The following KLF12 variants were observed in gnomAD, a reference collection of about 807,000 sequenced individuals.
KLF12 encodes the protein Krueppel-like factor 12.
KLF12 carries 9 observed loss-of-function variants against 37.8 expected under a neutral mutation model. The ratio of observed to expected loss-of-function variants is 0.24; its 90% CI spans 0.14 to 0.42. KLF12 has a LOEUF of 0.42. KLF12 is among the 10% of genes least tolerant of loss of function. KLF12 has a pLI of 1.00. For synonymous variants in KLF12, 208 were observed against 202.1 expected (o/e 1.03, Z -0.25); for missense variants, 411 against 516.0 (o/e 0.80, Z 1.97).
chr13:73,932,424 T>C (rs1889729125), intron 3 of KLF12, among the ~76,000 whole-genome samples: 1 of 152,210 alleles, frequency 6.6e-6, no homozygotes, highest in Non-Finnish European at 1.5e-5. Flanking sequence ...CCAGGTCGAA[T>C]GCCTTCAGAG....
chr13:74,079,153 G>T (rs551973819), intron 1 of KLF12, among the ~76,000 whole-genome samples: 2 of 152,244 alleles, frequency 1.3e-5, no homozygotes, highest in African/African-American at 4.8e-5. Context: ...GTCACCAGAA[G>T]AAATCACTTA....
chr13:74,298,096 T>A, the KLF12 span, among the ~76,000 whole-genome samples: 2 of 152,254 alleles, frequency 1.3e-5, no homozygotes, highest in African/African-American at 4.8e-5. Flanking sequence ...GCTATTCTGG[T>A]AGCAGAGTCA....
At chr13:74,194,639 A>C in the KLF12 span, among the ~76,000 whole-genome samples, 1 of 152,214 alleles carries the variant, frequency 6.6e-6, no homozygotes, top group Non-Finnish European at 1.5e-5. Flanking sequence ...ACACTTTGGC[A>C]AATACCTAAA....
chr13:73,827,443 A>G (rs566282581), intron 4 of KLF12, among the ~76,000 whole-genome samples: 1 of 152,334 alleles, frequency 6.6e-6, no homozygotes, highest in South Asian at 2.1e-4. Context: ...TCTGAAGTCT[A>G]AAATTATTCC....
At chr13:73,886,339 G>C (rs1308112518) in intron 3 of KLF12, among the ~76,000 whole-genome samples, 1 of 152,182 alleles carries the variant, frequency 6.6e-6, no homozygotes, top group South Asian at 2.1e-4. Flanking sequence ...AATTCTGCAT[G>C]AATCTGTGCT....
intron 5 of KLF12, among the ~76,000 whole-genome samples, chr13:73,805,213 AATGTT>A (rs1377779499): frequency 8.5e-5 from 13 of 152,204 alleles, no homozygotes; most frequent in African/African-American, 3.1e-4. Flanking sequence ...ATTTCAATGT[AATGTT>A]GAGATTAACA....
the KLF12 span, among the ~76,000 whole-genome samples, chr13:74,231,179 C>G: frequency 6.6e-6 from 1 of 151,570 alleles, no homozygotes; most frequent in Non-Finnish European, 1.5e-5. Flanking sequence ...CACTCCTTGG[C>G]TACTTCAGGT....
intron 3 of KLF12, among the ~76,000 whole-genome samples, chr13:73,936,917 C>T (rs4883958): frequency 0.51 from 77,748 of 152,016 alleles, 20,257 homozygotes; most frequent in Admixed American, 0.61. Context: ...TTTGGCCAGG[C>T]GCAGTGGCTC....
chr13:73,890,391 T>C (rs1887445961), intron 3 of KLF12, among the ~76,000 whole-genome samples: 1 of 152,142 alleles, frequency 6.6e-6, no homozygotes, highest in Non-Finnish European at 1.5e-5. Flanking sequence ...ATAACAGACA[T>C]TGATATCAGG....
chr13:73,924,472 T>A (rs539233906), intron 3 of KLF12, among the ~76,000 whole-genome samples: 3 of 152,278 alleles, frequency 2.0e-5, no homozygotes, highest in Non-Finnish European at 4.4e-5. Context: ...CAGTGATTTT[T>A]TGGGGTGCCA....
At chr13:73,738,022 AAC>A (rs930525748) in intron 6 of KLF12, among the ~76,000 whole-genome samples, 38 of 92,380 alleles carry the variant, frequency 4.1e-4, no homozygotes, top group African/African-American at 2.4e-3. Flanking sequence ...TCATTCAACA[AAC>A]ACACACACAC....
intron 1 of KLF12, among the ~76,000 whole-genome samples, chr13:74,109,458 T>C (rs1206265899): frequency 1.3e-5 from 2 of 152,092 alleles, no homozygotes. Flanking sequence ...GAATAGATAA[T>C]ATATTTTGTA....
intron 1 of KLF12, among the ~76,000 whole-genome samples, chr13:74,007,521 C>T (rs1023072741): frequency 3.3e-5 from 5 of 152,158 alleles, no homozygotes; most frequent in Middle Eastern, 3.4e-3. Flanking sequence ...GTGATCCGCC[C>T]GCCTCGGCCT....
At chr13:73,919,098 C>A (rs941178619) in intron 3 of KLF12, among the ~76,000 whole-genome samples, 1 of 152,136 alleles carries the variant, frequency 6.6e-6, no homozygotes, top group East Asian at 1.9e-4. Context: ...CTTGTAACTA[C>A]CCAGGAGCAC....
At chr13:73,979,221 AT>A (rs1432424562) in intron 2 of KLF12, among the ~76,000 whole-genome samples, 1 of 152,228 alleles carries the variant, frequency 6.6e-6, no homozygotes, top group Non-Finnish European at 1.5e-5. Flanking sequence ...TAAACGTATC[AT>A]CCTGGTGGGG....
intron 6 of KLF12, among the ~76,000 whole-genome samples, chr13:73,741,205 C>G (rs1054868182): frequency 6.6e-6 from 1 of 152,006 alleles, no homozygotes; most frequent in Admixed American, 6.6e-5. Flanking sequence ...AGAGAAAACC[C>G]AAAACCCAAT....
intron 1 of KLF12, among the ~76,000 whole-genome samples, chr13:74,045,069 C>T (rs1008978015): frequency 5.9e-5 from 9 of 152,172 alleles, no homozygotes; most frequent in African/African-American, 2.2e-4. Flanking sequence ...GTATACTTCA[C>T]ACCCAAGGAG....
chr13:74,217,706 G>A, the KLF12 span, among the ~76,000 whole-genome samples: 573 of 152,284 alleles, frequency 3.8e-3, 4 homozygotes, highest in African/African-American at 0.013. Context: ...CAGCCTGGGC[G>A]ACAGAGTGAG....
intron 1 of KLF12, among the ~76,000 whole-genome samples, chr13:74,020,131 T>A (rs1892804179): frequency 6.6e-6 from 1 of 152,256 alleles, no homozygotes; most frequent in African/African-American, 2.4e-5. Flanking sequence ...ACGTATCTTT[T>A]CATGCAATAT....
Sources: gnomAD v4.1 joint callset for allele counts (sites outside exome capture counted in the v4.1 genomes callset) on GRCh38, gnomAD v4.1.1 for gene constraint, MANE v1.5 for transcripts, NCBI Gene and HGNC (gene_info 2026-07-23, HGNC 2026-07-21) for gene names.